The following TAOK3 variants were observed in gnomAD, a reference collection of about 807,000 sequenced individuals.
TAOK3 encodes serine/threonine-protein kinase TAO3.
Under a neutral mutation model 120.4 loss-of-function variants are expected in TAOK3, and 40 were observed. That is an observed-to-expected ratio of 0.33 (90% confidence interval 0.26 to 0.43). The LOEUF (loss-of-function observed/expected upper bound fraction) is 0.43. Ranked by LOEUF, TAOK3 falls within the 20% of genes least tolerant of loss-of-function variation. The probability of loss-of-function intolerance (pLI) is 1.00; values close to 1 mark genes in which losing one functional copy is unlikely to be tolerated. For synonymous variants in TAOK3, 355 were observed against 387.5 expected, an observed-to-expected ratio of 0.92 and a Z score of 0.99; for missense variants, 821 against 1,112.1, an observed-to-expected ratio of 0.74 and a Z score of 3.72.
At chr12:118,181,852 T>C (rs1424796529) in intron 14 of TAOK3, among the ~76,000 whole-genome samples, 1 of 152,228 alleles carries the variant, frequency 6.6e-6, no homozygotes, top group Non-Finnish European at 1.5e-5. Context: ...GGTGATAACA[T>C]CTTAGTTTTA....
rs116874122 is a variant in TAOK3, at chr12:118,303,416, C to T, written c.-193-36657G>A. Among the ~76,000 whole-genome samples, 168 of 152,256 alleles carry T rather than the reference C, an allele frequency of 1.1e-3. 3 individuals are homozygous for T. The East Asian group carries it at 0.026, about 23-fold the overall frequency. On this transcript the variant is annotated intron_variant, in intron 1 of 20. Coordinates refer to ENST00000392533, the MANE Select transcript of TAOK3 (RefSeq NM_016281.4). The stretch of plus-strand genomic sequence containing the variant: ...CTGAAACAATGTTTGGCAGAATGTA[C>T]GTGTGCAAAGAACACTTGCCAAAAG...
At chr12:118,270,841 A>AT (rs1389380455) in intron 1 of TAOK3, among the ~76,000 whole-genome samples, 22 of 150,438 alleles carry the variant, frequency 1.5e-4, no homozygotes, top group Non-Finnish European at 2.7e-4. Flanking sequence ...CGCCCAGCTA[A>AT]TTTTTTTTTG....
intron 1 of TAOK3, among the ~76,000 whole-genome samples, chr12:118,364,811 A>C (rs1464650528): frequency 2.0e-5 from 3 of 152,176 alleles, no homozygotes; most frequent in Admixed American, 6.5e-5. Flanking sequence ...AGGCTGAGGC[A>C]GGAGAATTGC....
intron 3 of TAOK3, 86 bp downstream of exon 3, chr12:118,255,362 G>A: frequency 6.8e-7 from 1 of 1,467,426 alleles, no homozygotes; most frequent in Non-Finnish European, 9.3e-7. Flanking sequence ...CAAAGTGCTA[G>A]GATTACAGGC....
intron 1 of TAOK3, among the ~76,000 whole-genome samples, chr12:118,342,041 C>A (rs2044641813): frequency 6.6e-6 from 1 of 151,986 alleles, no homozygotes; most frequent in African/African-American, 2.4e-5. Context: ...AAAAACAAAC[C>A]AAAAAATTAA....
intron 11 of TAOK3, among the ~76,000 whole-genome samples, chr12:118,205,796 A>G (rs1039115292): frequency 1.3e-5 from 2 of 152,096 alleles, no homozygotes; most frequent in Admixed American, 6.6e-5. Context: ...TTTTTAGTAG[A>G]GATGGGGTTT....
chr12:118,316,542 A>T (rs1186953804), intron 1 of TAOK3, among the ~76,000 whole-genome samples: 1 of 151,726 alleles, frequency 6.6e-6, no homozygotes, highest in Non-Finnish European at 1.5e-5. Flanking sequence ...CTGGGAACAC[A>T]GTCGTGTACC....
intron 11 of TAOK3, among the ~76,000 whole-genome samples, chr12:118,206,072 G>C (rs1202918738): frequency 6.6e-6 from 1 of 152,238 alleles, no homozygotes; most frequent in Middle Eastern, 3.4e-3. Flanking sequence ...TTATTTTCTA[G>C]AATAAAAAGG....
chr12:118,236,476 C>T (rs144731771), intron 7 of TAOK3: 1 of 152,168 alleles, frequency 6.6e-6, no homozygotes, highest in African/African-American at 2.4e-5. Context: ...TGTGGATGTA[C>T]TCCTTATTCT....
intron 1 of TAOK3, among the ~76,000 whole-genome samples, chr12:118,274,992 T>C (rs1436032093): frequency 2.0e-5 from 3 of 152,112 alleles, no homozygotes; most frequent in Non-Finnish European, 2.9e-5. Context: ...CAGAAAAAAA[T>C]GGCACCTCAC....
intron 1 of TAOK3, among the ~76,000 whole-genome samples, chr12:118,330,842 T>C (rs1351136085): frequency 6.6e-6 from 1 of 151,994 alleles, no homozygotes; most frequent in East Asian, 1.9e-4. Flanking sequence ...ATCCTTTGGT[T>C]TGACAGTACC....
intron 9 of TAOK3, among the ~76,000 whole-genome samples, chr12:118,220,472 CAG>C (rs1429024769): frequency 1.3e-5 from 2 of 151,810 alleles, no homozygotes; most frequent in African/African-American, 4.8e-5. Context: ...GGGCTCATGA[CAG>C]ATACTATTTG....
intron 1 of TAOK3, among the ~76,000 whole-genome samples, chr12:118,360,690 G>A: frequency 6.6e-6 from 1 of 152,010 alleles, no homozygotes; most frequent in Non-Finnish European, 1.5e-5. Flanking sequence ...AAGTCCCTGT[G>A]GTCATTCATA....
At chr12:118,244,664 G>A (rs1186663202) in intron 4 of TAOK3, among the ~76,000 whole-genome samples, 4 of 151,598 alleles carry the variant, frequency 2.6e-5, no homozygotes, top group Admixed American at 1.3e-4. Context: ...GAGTAGCTGG[G>A]ACTACAGGCG....
chr12:118,283,448 T>C (rs377311810), intron 1 of TAOK3, among the ~76,000 whole-genome samples: 1 of 152,126 alleles, frequency 6.6e-6, no homozygotes, highest in Admixed American at 6.6e-5. Flanking sequence ...ACAGGCACAA[T>C]TGGCCGAGCA....
At chr12:118,246,205 G>C in intron 3 of TAOK3, 3 of 1,439,144 alleles carry the variant, frequency 2.1e-6, no homozygotes, top group South Asian at 2.4e-5. Context: ...CGCGGCCGTG[G>C]ACGGGGCCGG....
chr12:118,279,784 A>G lies in TAOK3; in HGVS notation c.-193-13025T>C, dbSNP rs535165579. ...TTTATTGTTGTTTTTTTTTTTTTTGAGACAGAGTCTTGCACTGTCAACCAG... is the reference window on the plus strand; with the variant it reads ...TTTATTGTTGTTTTTTTTTTTTTTGGGACAGAGTCTTGCACTGTCAACCAG... On this transcript the variant is annotated intron_variant, in intron 1 of 20. Transcript: ENST00000392533. Among the ~76,000 whole-genome samples, 211 of 140,634 alleles carry G rather than the reference A, an allele frequency of 1.5e-3. 1 individual carries two copies. The highest frequency in any genetic ancestry group is 2.6e-3 in the Non-Finnish European group (168 of 65,768). The allele number at this position is 140,634 out of a possible 152,430, so 92.3% of individuals were successfully genotyped here. A position where few individuals can be genotyped will look rare whatever the true frequency, so the allele number is the denominator to read the frequency against.
chr12:118,181,005 C>T (rs554744738), intron 15 of TAOK3, among the ~76,000 whole-genome samples: 47 of 151,940 alleles, frequency 3.1e-4, no homozygotes, highest in Admixed American at 2.4e-3. Flanking sequence ...CCACCATGCC[C>T]GGCTAATTTT....
intron 19 of TAOK3, among the ~76,000 whole-genome samples, chr12:118,159,166 T>C (rs960735444): frequency 2.0e-5 from 3 of 152,168 alleles, no homozygotes; most frequent in Admixed American, 1.3e-4. Flanking sequence ...CCTTTGCCTA[T>C]GTAGGTCCCA....
Sources: gnomAD v4.1 joint callset for allele counts (sites outside exome capture counted in the v4.1 genomes callset) on GRCh38, gnomAD v4.1.1 for gene constraint, MANE v1.5 for transcripts, NCBI Gene and HGNC (gene_info 2026-07-23, HGNC 2026-07-21) for gene names.